PCLO: variants seen among roughly 807,000 people sequenced by gnomAD.
PCLO encodes the protein piccolo presynaptic cytomatrix protein, also known as protein piccolo.
In PCLO, 82 loss-of-function variants were observed where a neutral mutation model predicts 427.5. The observed-to-expected ratio is 0.19, with a 90% confidence interval of 0.16 to 0.23. The LOEUF is 0.23. PCLO is among the 10% of genes least tolerant of loss of function. The probability of loss-of-function intolerance (pLI) is 1.00; values close to 1 mark genes in which losing one functional copy is unlikely to be tolerated. For missense variants in PCLO, 6,239 were observed against 6,115.9 expected, an observed-to-expected ratio of 1.02 and a Z score of -0.67; for synonymous variants, 2,357 against 2,155.4, an observed-to-expected ratio of 1.09 and a Z score of -2.59.
chr7:82,879,419 C>G lies in PCLO; in HGVS notation c.13572G>C (p.Pro4524=), dbSNP rs370635187. 1 of 1,608,432 alleles carries G rather than the reference C, an allele frequency of 6.2e-7. No homozygotes were observed. Among genetic ancestry groups the G allele is most frequent in the South Asian group, 1.1e-5 (1 of 90,678 alleles). ...GIRIVGGKEI[P]GHSGEIGAYI... ...AGGCTCCAATTTCTCCACTATGTCC[C>G]GGGATTTCTTTACCACCCACAATTC... The change falls in exon 10 of 25, where the codon CCG becomes CCC. Residue 4524 remains proline, a synonymous_variant. Coordinates refer to ENST00000333891, the MANE Select transcript of PCLO (RefSeq NM_033026.6).
chr7:83,140,497 T>C (rs1196462130), intron 2 of PCLO, among the ~76,000 whole-genome samples: 1 of 152,178 alleles, frequency 6.6e-6, no homozygotes, highest in East Asian at 1.9e-4. Flanking sequence ...AAAGATTTAC[T>C]CATGGTAGTC....
At chr7:82,927,187 G>A (rs1247294051) in intron 6 of PCLO, among the ~76,000 whole-genome samples, 1 of 152,116 alleles carries the variant, frequency 6.6e-6, no homozygotes, top group Admixed American at 6.6e-5. Context: ...GGCAGATCCA[G>A]CACCATAAGA....
In PCLO at chr7:82,824,252, G is replaced by A. The variant is rs771919990; in HGVS notation, c.14580C>T (p.Phe4860=). The part of the protein sequence containing the change: ...SVIKSRSHGI[F]PDPSKDMQVP... Reference sequence around the variant, plus strand: ...ATTTCCTACCCTTTGATGGGTCAGGGAAGATACCATGGCTTCTGCTTTTGA... The same window carrying A: ...ATTTCCTACCCTTTGATGGGTCAGGAAAGATACCATGGCTTCTGCTTTTGA... Residue 4860 remains phenylalanine (F), a synonymous_variant, in exon 19 of 25, where the codon TTC becomes TTT. Coordinates refer to ENST00000333891, the MANE Select transcript of PCLO (RefSeq NM_033026.6). 1.2e-5 allele frequency: 19 copies of A among 1,612,208 alleles called. No individual in the cohort carries two copies. The highest frequency in any genetic ancestry group is 1.4e-5 in the Non-Finnish European group (16 of 1,179,006).
At chr7:83,080,071 A>G (rs147271355) in intron 3 of PCLO, among the ~76,000 whole-genome samples, 1 of 152,334 alleles carries the variant, frequency 6.6e-6, no homozygotes, top group Non-Finnish European at 1.5e-5. Flanking sequence ...TCATGGCTGC[A>G]TAGTATTCCA....
chr7:82,796,122 T>C (rs1791217996), intron 22 of PCLO, among the ~76,000 whole-genome samples: 1 of 152,328 alleles, frequency 6.6e-6, no homozygotes. Flanking sequence ...AGAAATTTAA[T>C]TCATTTAACT....
chr7:82,900,323 G>A (rs6944191), intron 9 of PCLO, among the ~76,000 whole-genome samples: 47,011 of 151,380 alleles, frequency 0.31, 8,460 homozygotes, highest in East Asian at 0.61. Flanking sequence ...TACCCCGTTT[G>A]TTGTATCAGT....
At chr7:82,765,278 C>A (rs900842713) in intron 22 of PCLO, among the ~76,000 whole-genome samples, 4 of 151,690 alleles carry the variant, frequency 2.6e-5, no homozygotes, top group Non-Finnish European at 4.4e-5. Flanking sequence ...TACACATATT[C>A]TTCTATCTGC....
intron 6 of PCLO, among the ~76,000 whole-genome samples, chr7:82,947,751 A>C (rs1433573143): frequency 6.6e-6 from 1 of 152,138 alleles, no homozygotes; most frequent in Admixed American, 6.5e-5. Flanking sequence ...AATTCTACTC[A>C]ACTTCCTTTA....
intron 3 of PCLO, among the ~76,000 whole-genome samples, chr7:82,992,101 T>C (rs17157007): frequency 0.021 from 3,127 of 152,228 alleles, 121 homozygotes; most frequent in African/African-American, 0.072. Flanking sequence ...AACAGAATGA[T>C]AATTATTACT....
At chr7:83,003,644 C>T (rs1171128580) in intron 3 of PCLO, among the ~76,000 whole-genome samples, 1 of 151,802 alleles carries the variant, frequency 6.6e-6, no homozygotes, top group East Asian at 1.9e-4. Context: ...GTGTTTCACA[C>T]TTATTGATTT....
chr7:82,960,239 A>G (rs2115611886), intron 4 of PCLO, among the ~76,000 whole-genome samples: 1 of 152,330 alleles, frequency 6.6e-6, no homozygotes, highest in Non-Finnish European at 1.5e-5. Flanking sequence ...GTTTACATCA[A>G]TGCAGATTAC....
At chr7:82,791,250 G>GAATGAATATA (rs1353645396) in intron 22 of PCLO, among the ~76,000 whole-genome samples, 1 of 132,830 alleles carries the variant, frequency 7.5e-6, no homozygotes, top group Non-Finnish European at 1.7e-5. Context: ...TCATCAATTA[G>GAATGAATATA]AATGAATATA....
At chr7:83,059,977 T>C (rs1033858761) in intron 3 of PCLO, among the ~76,000 whole-genome samples, 5 of 152,204 alleles carry the variant, frequency 3.3e-5, no homozygotes, top group African/African-American at 1.2e-4. Context: ...AACAGTCTAA[T>C]GATTTCCGTG....
At chr7:82,931,584 C>T (rs937569393) in intron 6 of PCLO, among the ~76,000 whole-genome samples, 2 of 152,048 alleles carry the variant, frequency 1.3e-5, no homozygotes, top group Admixed American at 6.6e-5. Context: ...GATTTGGACA[C>T]GGGAGGCCTG....
At chr7:83,018,213 A>T (rs1262393624) in intron 3 of PCLO, among the ~76,000 whole-genome samples, 1 of 152,044 alleles carries the variant, frequency 6.6e-6, no homozygotes, top group Non-Finnish European at 1.5e-5. Flanking sequence ...AAATGTTTAC[A>T]AAGTTATTTT....
intron 20 of PCLO, among the ~76,000 whole-genome samples, chr7:82,813,461 A>C (rs1584001817): frequency 6.6e-6 from 1 of 151,798 alleles, no homozygotes; most frequent in Non-Finnish European, 1.5e-5. Context: ...AGATATTTTT[A>C]AACATGATGA....
intron 2 of PCLO, among the ~76,000 whole-genome samples, chr7:83,140,517 A>C (rs1296581442): frequency 6.6e-6 from 1 of 152,146 alleles, no homozygotes; most frequent in Non-Finnish European, 1.5e-5. Context: ...CTTTCTATTA[A>C]TCTCCAGTGT....
At chr7:82,863,995 C>T (rs1288728509) in intron 10 of PCLO, among the ~76,000 whole-genome samples, 2 of 151,932 alleles carry the variant, frequency 1.3e-5, no homozygotes, top group African/African-American at 4.8e-5. Flanking sequence ...GTAAGCAAAT[C>T]CCCATTTTCA....
rs549749072 is a variant in PCLO, at chr7:83,149,754, A to G, written c.1893+4994T>C. On this transcript the variant is annotated intron_variant, in intron 2 of 24. Transcript: ENST00000333891. Reference sequence around the variant, plus strand: ...CCATTTCTCTTACTAGAAAAATAAGATGCAACAGGATTATCCACGGAAAGG... The same window carrying G: ...CCATTTCTCTTACTAGAAAAATAAGGTGCAACAGGATTATCCACGGAAAGG... Among the ~76,000 whole-genome samples, 4 of 152,262 alleles carry G rather than the reference A, an allele frequency of 2.6e-5. No homozygotes were observed. In the South Asian group the frequency reaches 6.2e-4, roughly 24 times the overall value.
Sources: allele counts gnomAD v4.1 joint callset (sites outside exome capture counted in the v4.1 genomes callset), GRCh38; gene constraint gnomAD v4.1.1; transcripts MANE v1.5; gene names NCBI Gene and HGNC (gene_info 2026-07-23, HGNC 2026-07-21).